The following PDE7B variants were observed in gnomAD, a reference collection of about 807,000 sequenced individuals.
PDE7B encodes 3',5'-cyclic-AMP phosphodiesterase 7B.
A neutral mutation model predicts 56.2 loss-of-function variants in PDE7B; 29 were observed. The observed-to-expected ratio is 0.52, with a 90% CI of 0.38 to 0.70. The LOEUF is 0.70. Ranked by LOEUF, PDE7B falls within the 30% of genes least tolerant of loss-of-function variation. The probability of loss-of-function intolerance (pLI) is 0.00; values close to 1 mark genes in which losing one functional copy is unlikely to be tolerated. For missense variants in PDE7B, 490 were observed against 565.0 expected (o/e 0.87, Z 1.35); for synonymous variants, 197 against 196.9 (o/e 1.00, Z 0.00).
chr6:136,176,134 T>C (rs1778973107), intron 9 of PDE7B, among the ~76,000 whole-genome samples: 1 of 152,076 alleles, frequency 6.6e-6, no homozygotes, highest in African/African-American at 2.4e-5. Flanking sequence ...TATTTTCCTA[T>C]CAGTGTTATT....
intron 2 of PDE7B, among the ~76,000 whole-genome samples, chr6:135,970,031 C>A (rs747710739): frequency 6.6e-6 from 1 of 151,864 alleles, no homozygotes; most frequent in African/African-American, 2.4e-5. Flanking sequence ...TTTCTCATAT[C>A]AAAAATCCAG....
At chr6:136,049,898 T>C (rs557614108) in intron 2 of PDE7B, among the ~76,000 whole-genome samples, 1 of 152,158 alleles carries the variant, frequency 6.6e-6, no homozygotes, top group Admixed American at 6.5e-5. Flanking sequence ...ACTTGAATTT[T>C]TTAATGAAAA....
intron 1 of PDE7B, among the ~76,000 whole-genome samples, chr6:135,879,247 T>C (rs910328019): frequency 2.0e-5 from 3 of 152,094 alleles, no homozygotes; most frequent in Non-Finnish European, 4.4e-5. Context: ...ATATTAAATA[T>C]AAAATATTTT....
chr6:136,191,085 G>A (rs762477659), intron 12 of PDE7B, among the ~76,000 whole-genome samples: 2 of 144,406 alleles, frequency 1.4e-5, no homozygotes, highest in Non-Finnish European at 3.0e-5. Context: ...TATTCACTGG[G>A]AGTTTACTAT....
At chr6:135,921,156 A>G (rs1165063271) in intron 1 of PDE7B, among the ~76,000 whole-genome samples, 1 of 152,112 alleles carries the variant, frequency 6.6e-6, no homozygotes, top group Non-Finnish European at 1.5e-5. Flanking sequence ...TAAGAAAATA[A>G]CTGTCGTTTC....
rs1254406065 is a variant in PDE7B at position 136,195,460 on chromosome 6, A to G, written c.*3620A>G. On this transcript the variant is annotated 3_prime_UTR_variant, in exon 13 of 13. Transcript: ENST00000308191. ...TGTATACACATGTGAGGTTTGAAAA[A>G]AAAAAAAAAAAAAAAAAGAACTACC... The G allele has an allele frequency of 3.4e-5, 5 of 147,280 alleles. No homozygotes were observed. Among genetic ancestry groups the G allele is most frequent in the Admixed American group, 2.7e-4 (4 of 15,016 alleles). 9.1% of individuals were successfully genotyped at this position (147,280 alleles called of 1,614,324 possible).
At chr6:136,111,102 C>T (rs1777739651) in intron 3 of PDE7B, 1 of 152,126 alleles carries the variant, frequency 6.6e-6, no homozygotes, top group South Asian at 2.1e-4. Context: ...GTCTCTTACT[C>T]TGTAACATAT....
chr6:136,008,678 G>T (rs574151565), intron 2 of PDE7B, among the ~76,000 whole-genome samples: 2 of 152,324 alleles, frequency 1.3e-5, no homozygotes, highest in African/African-American at 4.8e-5. Flanking sequence ...TTTCGATGGG[G>T]TTGTTTGTTT....
intron 1 of PDE7B, among the ~76,000 whole-genome samples, chr6:135,926,485 G>C (rs1774192595): frequency 6.7e-6 from 1 of 149,848 alleles, no homozygotes; most frequent in South Asian, 2.1e-4. Context: ...ACTGAACTGC[G>C]GGTGGGGGGG....
intron 1 of PDE7B, among the ~76,000 whole-genome samples, chr6:135,906,346 C>T (rs898716756): frequency 6.6e-6 from 1 of 152,202 alleles, no homozygotes; most frequent in African/African-American, 2.4e-5. Flanking sequence ...CGTTGAACTA[C>T]TTATAGATCT....
chr6:135,965,128 TA>T (rs1774974332), intron 2 of PDE7B, among the ~76,000 whole-genome samples: 2 of 152,184 alleles, frequency 1.3e-5, no homozygotes, highest in Middle Eastern at 3.4e-3. Context: ...GCAAAAAGAG[TA>T]AAACTCCATC....
chr6:136,083,968 G>C (rs1285402700), intron 2 of PDE7B, among the ~76,000 whole-genome samples: 14 of 152,062 alleles, frequency 9.2e-5, no homozygotes, highest in Non-Finnish European at 2.1e-4. Flanking sequence ...ACTGAAATTT[G>C]CTTATAAAGA....
At chr6:136,096,298 G>C (rs560968256) in intron 2 of PDE7B, 1 of 151,976 alleles carries the variant, frequency 6.6e-6, no homozygotes, top group Admixed American at 6.6e-5. Flanking sequence ...CCTTGTTCCC[G>C]GCCAGAATCA....
At chr6:135,950,292 TATTA>T (rs1396934970) in intron 2 of PDE7B, among the ~76,000 whole-genome samples, 1 of 152,112 alleles carries the variant, frequency 6.6e-6, no homozygotes, top group African/African-American at 2.4e-5. Flanking sequence ...CTGTCTAAGG[TATTA>T]ATTAGTTTGT....
At chr6:135,924,289 G>GA (rs1169763818) in intron 1 of PDE7B, among the ~76,000 whole-genome samples, 1 of 152,188 alleles carries the variant, frequency 6.6e-6, no homozygotes, top group African/African-American at 2.4e-5. Context: ...CTGATGTAGA[G>GA]AAATAGATAT....
chr6:135,988,981 A>G (rs952756881), intron 2 of PDE7B, among the ~76,000 whole-genome samples: 9 of 152,182 alleles, frequency 5.9e-5, no homozygotes, highest in African/African-American at 1.9e-4. Context: ...ACCCTTACAT[A>G]ATCTTGCTTT....
At chr6:136,135,701 G>A (rs1382733447) in intron 3 of PDE7B, among the ~76,000 whole-genome samples, 1 of 152,054 alleles carries the variant, frequency 6.6e-6, no homozygotes, top group East Asian at 1.9e-4. Flanking sequence ...TTTTCTGGCA[G>A]CTATTTTATG....
intron 2 of PDE7B, among the ~76,000 whole-genome samples, chr6:136,070,928 A>G (rs1777039933): frequency 1.3e-5 from 2 of 152,124 alleles, no homozygotes; most frequent in African/African-American, 2.4e-5. Flanking sequence ...AAAAATCTCC[A>G]CCACCCCATC....
At chr6:136,174,011 G>A (rs138560745) in intron 9 of PDE7B, 123 bp downstream of exon 9, 8 of 688,566 alleles carry the variant, frequency 1.2e-5, no homozygotes, top group African/African-American at 8.8e-5. Flanking sequence ...CTTCCTGCCT[G>A]CACTGAGCTG....
Sources: allele counts gnomAD v4.1 joint callset (sites outside exome capture counted in the v4.1 genomes callset), GRCh38; gene constraint gnomAD v4.1.1; transcripts MANE v1.5; gene names NCBI Gene and HGNC (gene_info 2026-07-23, HGNC 2026-07-21).